HPSE2: variants seen among roughly 807,000 people sequenced by gnomAD.
The protein encoded by HPSE2 is inactive heparanase-2.
HPSE2 carries 38 observed loss-of-function variants against 60.5 expected under a neutral mutation model. That is an observed-to-expected ratio of 0.63 (90% CI 0.48 to 0.82). The LOEUF (loss-of-function observed/expected upper bound fraction) is 0.82. HPSE2 is among the 40% of genes least tolerant of loss of function. HPSE2 has a pLI of 0.00. For synonymous variants in HPSE2, 295 were observed against 293.2 expected (o/e 1.01, Z -0.06); for missense variants, 713 against 740.4 (o/e 0.96, Z 0.43).
intron 2 of HPSE2, among the ~76,000 whole-genome samples, chr10:99,154,163 G>A (rs1181760611): frequency 1.4e-5 from 2 of 140,958 alleles, no homozygotes; most frequent in Non-Finnish European, 3.1e-5. Flanking sequence ...ATGGAACCAA[G>A]TTGGAAAACA....
At chr10:99,282,817 A>G in the HPSE2 span, among the ~76,000 whole-genome samples, 1 of 152,182 alleles carries the variant, frequency 6.6e-6, no homozygotes, top group South Asian at 2.1e-4. Context: ...AATAAAAATG[A>G]AAATATAACA....
chr10:99,234,733 G>A (rs1849781238), intron 1 of HPSE2, among the ~76,000 whole-genome samples: 1 of 151,976 alleles, frequency 6.6e-6, no homozygotes, highest in Non-Finnish European at 1.5e-5. Flanking sequence ...AAGCCTCCCT[G>A]GAGTATTTCT....
intron 3 of HPSE2, among the ~76,000 whole-genome samples, chr10:99,117,770 C>T (rs1468354519): frequency 6.6e-6 from 1 of 152,026 alleles, no homozygotes; most frequent in African/African-American, 2.4e-5. Context: ...GATTCACAGT[C>T]GAATTCTACC....
chr10:98,852,395 A>G (rs1952203176), intron 3 of HPSE2, among the ~76,000 whole-genome samples: 2 of 152,180 alleles, frequency 1.3e-5, no homozygotes, highest in African/African-American at 4.8e-5. Flanking sequence ...ATTATAGGTC[A>G]TAAGACAGGA....
At chr10:99,200,079 C>A (rs1289380427) in intron 2 of HPSE2, among the ~76,000 whole-genome samples, 1 of 151,876 alleles carries the variant, frequency 6.6e-6, no homozygotes, top group Non-Finnish European at 1.5e-5. Context: ...TCAGATAGCT[C>A]AATGTTAGTG....
the HPSE2 span, among the ~76,000 whole-genome samples, chr10:99,248,409 G>A: frequency 6.6e-6 from 1 of 152,214 alleles, no homozygotes; most frequent in Non-Finnish European, 1.5e-5. Flanking sequence ...AAACTTGAAA[G>A]TGATGATTTA....
chr10:99,034,539 T>G (rs1451544063), intron 3 of HPSE2, among the ~76,000 whole-genome samples: 1 of 152,024 alleles, frequency 6.6e-6, no homozygotes, highest in Non-Finnish European at 1.5e-5. Flanking sequence ...AAATGCAAAC[T>G]GTGACAAATG....
In HPSE2 at chr10:99,053,853, C is replaced by G. The variant is rs557230210; in HGVS notation, c.610+90385G>C. On this transcript the variant is annotated intron_variant, in intron 3 of 11. Transcript: ENST00000370552. ...AAGCAATTCTCTTGCCTCAGCCTCCCGAATGCTGGGACTACAGGTGCACGC... is the reference window on the plus strand; with the variant it reads ...AAGCAATTCTCTTGCCTCAGCCTCCGGAATGCTGGGACTACAGGTGCACGC... 2.0e-5 allele frequency among the ~76,000 whole-genome samples: 3 copies of G among 150,742 alleles called. No individual in the cohort carries two copies. The East Asian group carries it at 5.9e-4, about 29-fold the overall frequency.
chr10:98,565,329 C>T (rs1173527310), intron 9 of HPSE2, among the ~76,000 whole-genome samples: 4 of 151,070 alleles, frequency 2.6e-5, no homozygotes, highest in Admixed American at 2.6e-4. Context: ...TCCCCTTGTC[C>T]CCCACCCCCT....
chr10:98,580,465 G>A (rs189804186), intron 9 of HPSE2, among the ~76,000 whole-genome samples: 9 of 151,788 alleles, frequency 5.9e-5, no homozygotes, highest in Admixed American at 3.9e-4. Context: ...TTTATGTTCT[G>A]TATTTGGGGA....
At chr10:98,886,694 G>A (rs1345139493) in intron 3 of HPSE2, among the ~76,000 whole-genome samples, 1 of 152,128 alleles carries the variant, frequency 6.6e-6, no homozygotes, top group East Asian at 1.9e-4. Context: ...TACTGGAATG[G>A]ACTGATTGGT....
chr10:98,616,016 A>G (rs1332446688), intron 8 of HPSE2, among the ~76,000 whole-genome samples: 1 of 152,068 alleles, frequency 6.6e-6, no homozygotes, highest in Non-Finnish European at 1.5e-5. Flanking sequence ...CCAAATACAC[A>G]TTGCTTTCTC....
chr10:98,976,222 T>C (rs1348775272), intron 3 of HPSE2, among the ~76,000 whole-genome samples: 1 of 152,162 alleles, frequency 6.6e-6, no homozygotes, highest in Non-Finnish European at 1.5e-5. Flanking sequence ...ACTATACATA[T>C]ATATATTTAC....
chr10:98,750,849 T>C lies in HPSE2; in HGVS notation c.611-6793A>G, dbSNP rs368626252. On this transcript the variant is annotated intron_variant, in intron 3 of 11. Coordinates refer to ENST00000370552, the MANE Select transcript of HPSE2 (RefSeq NM_021828.5). ...AATTTGAGTGGGCAGAATATGCAAA[T>C]CCAGAGTTAAGCAGTGGGATGTGGA... Among the ~76,000 whole-genome samples the C allele has an allele frequency of 2.3e-4, 35 of 152,208 alleles. No homozygotes were observed. In the East Asian group the frequency reaches 5.2e-3, roughly 23 times the overall value.
chr10:98,803,425 G>T (rs1950964605), intron 3 of HPSE2, among the ~76,000 whole-genome samples: 1 of 150,968 alleles, frequency 6.6e-6, no homozygotes, highest in Non-Finnish European at 1.5e-5. Flanking sequence ...GTAATGCCTA[G>T]GTTTTCTTCT....
intron 2 of HPSE2, among the ~76,000 whole-genome samples, chr10:99,145,780 G>C (rs1846031945): frequency 6.6e-6 from 1 of 152,152 alleles, no homozygotes; most frequent in South Asian, 2.1e-4. Context: ...AGAGAAAATA[G>C]GGCATATGGT....
intron 6 of HPSE2, among the ~76,000 whole-genome samples, chr10:98,690,249 C>T (rs899631464): frequency 1.3e-5 from 2 of 152,162 alleles, no homozygotes; most frequent in African/African-American, 2.4e-5. Flanking sequence ...TGTTAAATAA[C>T]TACAGAGAAG....
intron 3 of HPSE2, among the ~76,000 whole-genome samples, chr10:99,068,325 A>G (rs1444870988): frequency 1.3e-5 from 2 of 152,206 alleles, no homozygotes; most frequent in Non-Finnish European, 2.9e-5. Context: ...TTGCTAATAA[A>G]GACATATGGT....
intron 11 of HPSE2, among the ~76,000 whole-genome samples, chr10:98,475,832 GA>G (rs1238417317): frequency 1.6e-4 from 25 of 152,306 alleles, no homozygotes; most frequent in African/African-American, 6.0e-4. Context: ...GTAGCTCAGA[GA>G]AGAACTTTTA....
Sources: allele counts gnomAD v4.1 joint callset (sites outside exome capture counted in the v4.1 genomes callset), GRCh38; gene constraint gnomAD v4.1.1; transcripts MANE v1.5; gene names NCBI Gene and HGNC (gene_info 2026-07-23, HGNC 2026-07-21).